ZNHIT6: variants seen among roughly 807,000 people sequenced by gnomAD.
ZNHIT6 encodes zinc finger HIT-type containing 6, also known as box C/D snoRNA protein 1.
Under a neutral mutation model 57.2 loss-of-function variants are expected in ZNHIT6, and 45 were observed. The observed-to-expected ratio is 0.79, with a 90% CI of 0.62 to 1.01. ZNHIT6 has a LOEUF of 1.01. ZNHIT6 is among the 50% of genes least tolerant of loss of function. The pLI is 0.00. For synonymous variants in ZNHIT6, 188 were observed against 190.0 expected, an observed-to-expected ratio of 0.99 and a Z score of 0.09; for missense variants, 528 against 567.3, an observed-to-expected ratio of 0.93 and a Z score of 0.70.
intron 5 of ZNHIT6, among the ~76,000 whole-genome samples, chr1:85,699,197 T>A (rs1662460588): frequency 1.3e-5 from 2 of 152,130 alleles, no homozygotes; most frequent in African/African-American, 4.8e-5. Flanking sequence ...TCATTTCCCC[T>A]TCTTCCCTCT....
intron 8 of ZNHIT6, among the ~76,000 whole-genome samples, chr1:85,666,449 T>C (rs1391969885): frequency 1.3e-5 from 2 of 152,036 alleles, no homozygotes; most frequent in African/African-American, 4.8e-5. Context: ...ATAGAATATA[T>C]TTGAAGTAAG....
At chr1:85,674,005 A>G (rs1661634438) in intron 8 of ZNHIT6, among the ~76,000 whole-genome samples, 3 of 152,216 alleles carry the variant, frequency 2.0e-5, no homozygotes, top group Admixed American at 1.3e-4. Flanking sequence ...AGAAATATAA[A>G]GATGCCCTAT....
In ZNHIT6 at chr1:85,702,265, C is replaced by T; in HGVS notation, c.916-5G>A. The T allele has an allele frequency of 4.6e-6, 7 of 1,522,270 alleles. No individual in the cohort carries two copies. Among genetic ancestry groups the T allele is most frequent in the Non-Finnish European group, 6.3e-6 (7 of 1,114,350 alleles). The allele number at this position is 1,522,270 out of a possible 1,614,324, so 94.3% of individuals were successfully genotyped here. On this transcript the variant is annotated splice_polypyrimidine_tract_variant and splice_region_variant and intron_variant, in intron 4 of 9. Coordinates refer to ENST00000370574, the MANE Select transcript of ZNHIT6 (RefSeq NM_017953.4). ...ACGATTTTTCATAAAGTACATCTAA[C>T]AACAAAAACCAAACAGACAAATTAA... is the stretch of plus-strand genomic sequence containing the variant.
At chr1:85,674,567 C>T (rs563572799) in intron 8 of ZNHIT6, among the ~76,000 whole-genome samples, 8 of 152,280 alleles carry the variant, frequency 5.3e-5, no homozygotes, top group African/African-American at 1.4e-4. Flanking sequence ...TTAGTAAAAT[C>T]CTAAAATCAA....
chr1:85,679,571 T>TC (rs1484287833), intron 6 of ZNHIT6, among the ~76,000 whole-genome samples: 1 of 150,746 alleles, frequency 6.6e-6, no homozygotes, highest in Admixed American at 6.6e-5. Flanking sequence ...ATGTTTTTTT[T>TC]TTTTTTTTTT....
chr1:85,673,921 G>A (rs1174511627), intron 8 of ZNHIT6, among the ~76,000 whole-genome samples: 7 of 152,082 alleles, frequency 4.6e-5, no homozygotes, highest in African/African-American at 1.7e-4. Flanking sequence ...CATTACTTAT[G>A]ACTACAAAAT....
At chr1:85,682,021 T>TG (rs978252146) in intron 5 of ZNHIT6, among the ~76,000 whole-genome samples, 1 of 149,964 alleles carries the variant, frequency 6.7e-6, no homozygotes, top group Non-Finnish European at 1.5e-5. Context: ...TTCATCTTTT[T>TG]TTTTTTTTTT....
intron 4 of ZNHIT6, 50 bp from the exon 5 acceptor site, chr1:85,702,310 T>A: frequency 8.7e-7 from 1 of 1,144,578 alleles, no homozygotes; most frequent in South Asian, 1.4e-5. Context: ...TCCTTAAATT[T>A]AAAAAGTGAG....
intron 5 of ZNHIT6, among the ~76,000 whole-genome samples, chr1:85,697,854 G>C: frequency 6.6e-6 from 1 of 152,070 alleles, no homozygotes; most frequent in East Asian, 1.9e-4. Flanking sequence ...AATCTTTTAA[G>C]TCATTCAGGA....
intron 5 of ZNHIT6, among the ~76,000 whole-genome samples, chr1:85,692,551 T>C (rs147038127): frequency 6.6e-6 from 1 of 152,352 alleles, no homozygotes; most frequent in East Asian, 1.9e-4. Flanking sequence ...TTGACAAGTC[T>C]GTACTGGGCA....
chr1:85,684,562 G>C (rs780288037), intron 5 of ZNHIT6, among the ~76,000 whole-genome samples: 9 of 152,106 alleles, frequency 5.9e-5, no homozygotes, highest in Non-Finnish European at 1.2e-4. Context: ...TAAAAAAAAA[G>C]TTGAAAAATA....
intron 5 of ZNHIT6, among the ~76,000 whole-genome samples, chr1:85,692,203 T>C (rs1166579596): frequency 1.3e-5 from 2 of 152,016 alleles, no homozygotes; most frequent in Non-Finnish European, 1.5e-5. Context: ...AAGGGACACA[T>C]TTTAGAGGCA....
In ZNHIT6 at chr1:85,690,293, G is replaced by A. The variant is rs186998807; in HGVS notation, c.1020-9389C>T. 1.2e-4 allele frequency among the ~76,000 whole-genome samples: 19 copies of A among 152,046 alleles called. No individual in the cohort carries two copies. In the East Asian group the frequency reaches 2.5e-3, roughly 20 times the overall value. ...CCTCTCTCCAGCCTCATCTCCTATC[G>A]CTCACCAAACCCCCACTGGTTTTTA... is the stretch of plus-strand genomic sequence containing the variant. On this transcript the variant is annotated intron_variant, in intron 5 of 9. Transcript: ENST00000370574.
chr1:85,659,389 A>AT (rs1353884333), intron 8 of ZNHIT6, among the ~76,000 whole-genome samples: 6 of 152,202 alleles, frequency 3.9e-5, no homozygotes, highest in Non-Finnish European at 5.9e-5. Flanking sequence ...AGCTGAGAAC[A>AT]TGTCAACCAG....
At chr1:85,670,300 T>C (rs150865580) in intron 8 of ZNHIT6, among the ~76,000 whole-genome samples, 12 of 152,284 alleles carry the variant, frequency 7.9e-5, no homozygotes, top group African/African-American at 2.6e-4. Context: ...AATGGTAGAA[T>C]TGACTAATTA....
At chr1:85,677,572 A>G (rs1231828836) in intron 7 of ZNHIT6, among the ~76,000 whole-genome samples, 2 of 152,230 alleles carry the variant, frequency 1.3e-5, no homozygotes, top group Non-Finnish European at 2.9e-5. Flanking sequence ...AATGTATCCT[A>G]TTCAGTGACA....
At position 85,665,701 on chromosome 1, in the gene ZNHIT6, T is replaced by G. The variant is rs551158930; in HGVS notation, c.1248-7730A>C. Among the ~76,000 whole-genome samples the G allele has an allele frequency of 2.3e-3, 356 of 152,306 alleles. 4 individuals carry two copies. The highest frequency in any genetic ancestry group is 3.4e-3 in the Middle Eastern group (1 of 294). Reference sequence around the variant, plus strand: ...CTTAATCTTGCTAACAAAACATACATTTCCTTTGAAGCTAAAACTGAATGC... The same window carrying G: ...CTTAATCTTGCTAACAAAACATACAGTTCCTTTGAAGCTAAAACTGAATGC... On this transcript the variant is annotated intron_variant, in intron 8 of 9. Transcript: ENST00000370574.
At chr1:85,664,925 G>C (rs1412643691) in intron 8 of ZNHIT6, among the ~76,000 whole-genome samples, 1 of 152,072 alleles carries the variant, frequency 6.6e-6, no homozygotes, top group Non-Finnish European at 1.5e-5. Context: ...TCTGCTTCTC[G>C]GGTTCAAGCG....
chr1:85,657,674 G>A (rs577362848), intron 9 of ZNHIT6, among the ~76,000 whole-genome samples, 173 bp downstream of exon 9: 1 of 152,270 alleles, frequency 6.6e-6, no homozygotes, highest in East Asian at 1.9e-4. Context: ...CTTAGAAACA[G>A]AAGAGTAGCA....
Sources: allele counts gnomAD v4.1 joint callset (sites outside exome capture counted in the v4.1 genomes callset), GRCh38; gene constraint gnomAD v4.1.1; transcripts MANE v1.5; gene names NCBI Gene and HGNC (gene_info 2026-07-23, HGNC 2026-07-21).